Variants in A2ML1 observed in about 807,000 individuals in gnomAD.
A2ML1 encodes alpha-2-macroglobulin-like protein 1.
Under a neutral mutation model 181.9 loss-of-function variants are expected in A2ML1, and 161 were observed. That is an observed-to-expected ratio of 0.89 (90% CI 0.78 to 1.01). The LOEUF (loss-of-function observed/expected upper bound fraction) is 1.01, where lower values mean the gene tolerates loss of function less well. Among genes scored for constraint, A2ML1 ranks in the 50% least tolerant of loss-of-function variants. The pLI is 0.00. For synonymous variants in A2ML1, 663 were observed against 666.8 expected, an observed-to-expected ratio of 0.99 and a Z score of 0.09; for missense variants, 1,670 against 1,768.1, an observed-to-expected ratio of 0.94 and a Z score of 1.00.
Position 8,852,010 on chromosome 12 carries a change from A to T in A2ML1, c.2461A>T (p.Arg821Trp), listed in dbSNP as rs1412899657. 2 of 1,613,962 alleles carry T rather than the reference A, an allele frequency of 1.2e-6. No individual in the cohort carries two copies. Among genetic ancestry groups the T allele is most frequent in the Non-Finnish European group, 1.7e-6 (2 of 1,179,798 alleles). ...CTTCAATTACCTAAAGGATTGCATC[A>T]GGGTGAGAGCTGGGGATACAGGAAT... Reference protein sequence around the residue: ...TIFNYLKDCIRVQTDLAKSHE... With the variant: ...TIFNYLKDCIWVQTDLAKSHE... The change falls in exon 19 of 36, where the codon AGG becomes TGG. Residue 821 changes from arginine to tryptophan, a missense_variant and splice_region_variant. Arg to Trp is a moderately radical substitution (Grantham distance 101). Transcript: ENST00000299698. The surrounding 1 kb of genome is among the most constrained non-coding windows in gnomAD (Gnocchi z 4.2).
downstream of A2ML1, among the ~76,000 whole-genome samples, chr12:8,878,323 A>ATAAATAAG (rs887042845): frequency 2.0e-5 from 3 of 152,180 alleles, no homozygotes; most frequent in Admixed American, 6.5e-5. The surrounding 1 kb of genome is among the most constrained non-coding windows in gnomAD (Gnocchi z 4.4). Context: ...AAATAAATAA[A>ATAAATAAG]TAGAATGTAA....
intron 33 of A2ML1, among the ~76,000 whole-genome samples, chr12:8,872,034 C>G (rs1463115782): frequency 2.6e-5 from 4 of 152,034 alleles, no homozygotes; most frequent in Admixed American, 6.6e-5. Flanking sequence ...AAAAAGTTAG[C>G]TGGGCGTGGT....
At chr12:8,845,393 G>A (rs1375330341) in intron 12 of A2ML1, 49 bp from the exon 13 acceptor site, 1 of 1,600,246 alleles carries the variant, frequency 6.2e-7, no homozygotes, top group African/African-American at 1.3e-5. Flanking sequence ...GGTCCAAGGT[G>A]AAATTACTGT....
chr12:8,855,671 C>T (rs768275167), intron 23 of A2ML1, 79 bp downstream of exon 23: 176 of 1,297,930 alleles, frequency 1.4e-4, no homozygotes, highest in South Asian at 3.0e-4. Context: ...GCGGGACATA[C>T]GGACCTATCC....
intron 21 of A2ML1, among the ~76,000 whole-genome samples, chr12:8,854,554 G>A (rs1943996255): frequency 6.6e-6 from 1 of 152,162 alleles, no homozygotes; most frequent in Non-Finnish European, 1.5e-5. Context: ...CTTAGAAGTT[G>A]CCTAAATGTG....
chr12:8,836,773 G>A (rs747269381), intron 7 of A2ML1, among the ~76,000 whole-genome samples: 3 of 152,100 alleles, frequency 2.0e-5, no homozygotes, highest in African/African-American at 4.8e-5. Context: ...GTGAGCCACC[G>A]CGCCCAGCCA....
At chr12:8,884,987 C>T (rs1944908135) in intron 7 of A2ML1, among the ~76,000 whole-genome samples, 1 of 151,882 alleles carries the variant, frequency 6.6e-6, no homozygotes, top group South Asian at 2.1e-4. Flanking sequence ...TGAACATTTG[C>T]ATGCATGTGT....
At chr12:8,824,508 ACT>A (rs1416025073) in intron 3 of A2ML1, among the ~76,000 whole-genome samples, 18 of 151,544 alleles carry the variant, frequency 1.2e-4, no homozygotes, top group Non-Finnish European at 1.6e-4. Flanking sequence ...ATCCAATTAT[ACT>A]CTCTTAGTAA....
rs750837866 is a variant in A2ML1 at position 8,823,685 on chromosome 12, C to T, written c.247-35C>T. On this transcript the variant is annotated intron_variant, in intron 2 of 35. Coordinates refer to ENST00000299698, the MANE Select transcript of A2ML1 (RefSeq NM_144670.6). Reference sequence around the variant, plus strand: ...CCAGTTGATTCTGTTCCCCCAATCCCTTACCCCTCCCCAGAAGTCCCCTTT... The same window carrying T: ...CCAGTTGATTCTGTTCCCCCAATCCTTTACCCCTCCCCAGAAGTCCCCTTT... 24 of 1,601,550 alleles carry T rather than the reference C, an allele frequency of 1.5e-5. No individual in the cohort carries two copies. The African/African-American group carries it at 2.7e-4, about 18-fold the overall frequency.
chr12:8,880,120 T>C (rs1944855857), downstream of A2ML1, among the ~76,000 whole-genome samples: 1 of 152,118 alleles, frequency 6.6e-6, no homozygotes, highest in Non-Finnish European at 1.5e-5. Context: ...TCCCAGCACC[T>C]TGGGAGGCCG....
chr12:8,861,756 G>T (rs1167082253), intron 28 of A2ML1, among the ~76,000 whole-genome samples: 3 of 150,254 alleles, frequency 2.0e-5, no homozygotes, highest in Non-Finnish European at 4.4e-5. Flanking sequence ...CAAAGTGCTG[G>T]TATTACAGGC....
At chr12:8,877,996 T>C (rs781047668), downstream of A2ML1, among the ~76,000 whole-genome samples, 1 of 152,112 alleles carries the variant, frequency 6.6e-6, no homozygotes, top group Non-Finnish European at 1.5e-5. Context: ...TGGAATGCTA[T>C]GTAGCCATAA....
chr12:8,846,012 G>A, intron 13 of A2ML1, 65 bp from the exon 14 acceptor site: 2 of 1,591,758 alleles, frequency 1.3e-6, no homozygotes, highest in Non-Finnish European at 1.7e-6. Flanking sequence ...AGTACATATG[G>A]TTAGATGCCG....
downstream of A2ML1, among the ~76,000 whole-genome samples, chr12:8,879,245 A>G (rs775068301): frequency 6.6e-6 from 1 of 152,208 alleles, no homozygotes; most frequent in Admixed American, 6.5e-5. Context: ...TAATCCCAGC[A>G]GTTTTGGAGG....
At chr12:8,884,612 C>G (rs1473068850) in intron 7 of A2ML1, among the ~76,000 whole-genome samples, 1 of 152,220 alleles carries the variant, frequency 6.6e-6, no homozygotes, top group African/African-American at 2.4e-5. Context: ...TCTTGGCTCA[C>G]TGCAACCTCC....
intron 7 of A2ML1, among the ~76,000 whole-genome samples, chr12:8,884,705 A>C (rs1944905364): frequency 6.6e-6 from 1 of 152,150 alleles, no homozygotes; most frequent in Non-Finnish European, 1.5e-5. Context: ...CCCATGCACC[A>C]CCATGCCTGG....
downstream of A2ML1, among the ~76,000 whole-genome samples, chr12:8,881,083 G>A (rs1944866073): frequency 1.3e-5 from 2 of 152,176 alleles, no homozygotes; most frequent in Non-Finnish European, 2.9e-5. Context: ...AGGAGAGTAA[G>A]GGAAGAGGCT....
intron 4 of A2ML1, among the ~76,000 whole-genome samples, chr12:8,831,661 C>T (rs1205256274): frequency 2.0e-5 from 3 of 152,224 alleles, no homozygotes; most frequent in Admixed American, 1.3e-4. Context: ...GAGTAACTCA[C>T]CCAGAGCCGG....
intron 3 of A2ML1, among the ~76,000 whole-genome samples, chr12:8,827,679 T>C (rs1343752019): frequency 6.6e-6 from 1 of 152,198 alleles, no homozygotes; most frequent in African/African-American, 2.4e-5. Flanking sequence ...TGTCTGGGCA[T>C]TGAAGAGTTA....
Sources: gnomAD v4.1 joint callset for allele counts (sites outside exome capture counted in the v4.1 genomes callset) on GRCh38, gnomAD v4.1.1 for gene constraint, Gnocchi (gnomAD v3.1) non-coding constraint, MANE v1.5 for transcripts, NCBI Gene and HGNC (gene_info 2026-07-23, HGNC 2026-07-21) for gene names.